The following SPAG17 variants were observed in gnomAD, a reference collection of about 807,000 sequenced individuals.
The protein encoded by SPAG17 is sperm associated antigen 17, also known as sperm-associated antigen 17.
SPAG17 carries 169 observed loss-of-function variants against 273.6 expected under a neutral mutation model. The ratio of observed to expected loss-of-function variants is 0.62; its 90% CI spans 0.55 to 0.70. SPAG17 has a LOEUF of 0.70. SPAG17 is among the 30% of genes least tolerant of loss of function. SPAG17 has a pLI of 0.00. For missense variants in SPAG17, 2,557 were observed against 2,627.8 expected, an observed-to-expected ratio of 0.97 and a Z score of 0.59; for synonymous variants, 825 against 873.2, an observed-to-expected ratio of 0.94 and a Z score of 0.97.
chr1:118,005,270 T>C lies in SPAG17; in HGVS notation c.4776+144A>G, dbSNP rs568704481. The C allele has an allele frequency of 6.7e-6, 4 of 592,764 alleles. No homozygotes were observed. The South Asian group carries it at 1.3e-4, about 20-fold the overall frequency. 36.7% of individuals were successfully genotyped at this position (592,764 alleles called of 1,614,324 possible). A position where few individuals can be genotyped will look rare whatever the true frequency, so the allele number is the denominator to read the frequency against. ...ATCAAAGGAAATGTATTGACATTCA[T>C]TACTGCTTGCCCAAAGTATTGGCAG... On this transcript the variant is annotated intron_variant, in intron 32 of 48. Coordinates refer to ENST00000336338, the MANE Select transcript of SPAG17 (RefSeq NM_206996.4).
In SPAG17 at chr1:118,132,767, A is replaced by ATTTTC. The variant is rs58219610; in HGVS notation, c.316-17331_316-17327dup. 6.4e-3 allele frequency among the ~76,000 whole-genome samples: 967 copies of ATTTTC among 150,276 alleles called. 5 individuals carry two copies. The highest frequency in any genetic ancestry group is 0.015 in the African/African-American group (613 of 40,922). ...GCAGGGGAATAGGCAAAGCGTGAAC[A>ATTTTC]TTTTCTTTTCTTTTCTTTTCTTTTA... On this transcript the variant is annotated intron_variant, in intron 3 of 48. Coordinates refer to ENST00000336338, the MANE Select transcript of SPAG17 (RefSeq NM_206996.4).
chr1:118,110,702 A>T (rs1237403300), intron 4 of SPAG17, among the ~76,000 whole-genome samples: 1 of 152,110 alleles, frequency 6.6e-6, no homozygotes, highest in Admixed American at 6.5e-5. Flanking sequence ...TAACCTGAGG[A>T]TGTTAAATGC....
chr1:118,092,091 A>G (rs1459359295), intron 8 of SPAG17, 89 bp from the exon 9 acceptor site: 1 of 1,064,218 alleles, frequency 9.4e-7, no homozygotes, highest in Non-Finnish European at 1.5e-6. Context: ...ATCCAACAGG[A>G]TACTCAGGTT....
rs564289767 is a variant in SPAG17 at position 118,096,361 on chromosome 1, T to TC, written c.1011+1308_1011+1309insG. On this transcript the variant is annotated intron_variant, in intron 7 of 48. Transcript: ENST00000336338. The stretch of plus-strand genomic sequence containing the variant: ...TTCTTTTAGACAGTCGGCTTTTTTT[T>TC]TTTTCTTGTCAGCTACCCACAGTCA... Among the ~76,000 whole-genome samples the TC allele has an allele frequency of 1.1e-3, 168 of 151,734 alleles. 2 individuals carry two copies. Among genetic ancestry groups the TC allele is most frequent in the East Asian group, 4.5e-3 (23 of 5,130 alleles).
intron 1 of SPAG17, among the ~76,000 whole-genome samples, chr1:118,179,249 G>T (rs1660831458): frequency 6.6e-6 from 1 of 151,980 alleles, no homozygotes; most frequent in South Asian, 2.1e-4. Context: ...TAGACCAATG[G>T]AACAGAATAG....
At chr1:118,164,487 T>TCACATA (rs1660070754) in intron 1 of SPAG17, among the ~76,000 whole-genome samples, 1 of 152,248 alleles carries the variant, frequency 6.6e-6, no homozygotes, top group Non-Finnish European at 1.5e-5. Context: ...AGATATGCAA[T>TCACATA]CACAGTTGCC....
At chr1:118,169,986 T>G (rs1175152980) in intron 1 of SPAG17, among the ~76,000 whole-genome samples, 1 of 152,180 alleles carries the variant, frequency 6.6e-6, no homozygotes, top group African/African-American at 2.4e-5. Context: ...TGCCTTCTGG[T>G]TGGCAGATGA....
At chr1:118,125,247 T>A (rs1041579560) in intron 3 of SPAG17, among the ~76,000 whole-genome samples, 14 of 136,446 alleles carry the variant, frequency 1.0e-4, no homozygotes, top group Admixed American at 4.1e-4. Context: ...ATATATATAT[T>A]TTTGACATAT....
At chr1:117,973,144 G>T (rs1462775512) in intron 44 of SPAG17, among the ~76,000 whole-genome samples, 2 of 152,140 alleles carry the variant, frequency 1.3e-5, no homozygotes, top group Non-Finnish European at 2.9e-5. Flanking sequence ...AGCTATCAGT[G>T]GTTTGATAAC....
chr1:117,995,345 C>T (rs1429603211), intron 34 of SPAG17, among the ~76,000 whole-genome samples: 1 of 152,032 alleles, frequency 6.6e-6, no homozygotes, highest in East Asian at 1.9e-4. Context: ...ATCTATCTCT[C>T]CCAGTAACCT....
At chr1:118,148,345 G>A (rs913250206) in intron 3 of SPAG17, among the ~76,000 whole-genome samples, 1 of 152,128 alleles carries the variant, frequency 6.6e-6, no homozygotes, top group Admixed American at 6.6e-5. Flanking sequence ...AGCAAGAGTT[G>A]TCACAAAGAG....
chr1:118,051,390 G>T (rs776621553), intron 20 of SPAG17, among the ~76,000 whole-genome samples: 3 of 151,976 alleles, frequency 2.0e-5, no homozygotes, highest in Non-Finnish European at 4.4e-5. Context: ...CCACTACTGG[G>T]TATATATCTA....
intron 29 of SPAG17, among the ~76,000 whole-genome samples, 153 bp downstream of exon 29, chr1:118,015,812 A>G (rs1370450896): frequency 6.6e-6 from 1 of 152,202 alleles, no homozygotes; most frequent in Non-Finnish European, 1.5e-5. Flanking sequence ...ATTTTGGAAA[A>G]TGAATCCAAT....
chr1:118,123,075 G>C (rs554646108), intron 3 of SPAG17, among the ~76,000 whole-genome samples: 2 of 152,278 alleles, frequency 1.3e-5, no homozygotes, highest in South Asian at 4.1e-4. Context: ...TGTATAATGG[G>C]GAGGATGTAG....
intron 28 of SPAG17, among the ~76,000 whole-genome samples, chr1:118,017,663 A>C (rs1161437223): frequency 6.6e-6 from 1 of 152,176 alleles, no homozygotes; most frequent in Non-Finnish European, 1.5e-5. Flanking sequence ...GAACAGTTAG[A>C]AGGTTTTAAA....
At chr1:117,984,160 G>C (rs185908146) in intron 41 of SPAG17, among the ~76,000 whole-genome samples, 1 of 152,054 alleles carries the variant, frequency 6.6e-6, no homozygotes, top group South Asian at 2.1e-4. Context: ...GAAAATATTC[G>C]CTTTGCTTCA....
intron 48 of SPAG17, chr1:117,958,972 A>C (rs1652634599): frequency 2.5e-6 from 4 of 1,614,044 alleles, no homozygotes; most frequent in Non-Finnish European, 3.4e-6. Context: ...AAATTAAGGG[A>C]AACAACTATT....
intron 18 of SPAG17, among the ~76,000 whole-genome samples, chr1:118,056,495 T>C (rs1425599800): frequency 1.3e-5 from 2 of 152,226 alleles, no homozygotes; most frequent in Non-Finnish European, 2.9e-5. Flanking sequence ...CCAGCAGTCA[T>C]ATTTGTTCCC....
chr1:118,099,925 C>A, intron 5 of SPAG17, 125 bp from the exon 6 acceptor site: 1 of 759,522 alleles, frequency 1.3e-6, no homozygotes. Flanking sequence ...CAAAAATGAT[C>A]CAGTTGGCTG....
Sources: gnomAD v4.1 joint callset for allele counts (sites outside exome capture counted in the v4.1 genomes callset) on GRCh38, gnomAD v4.1.1 for gene constraint, MANE v1.5 for transcripts, NCBI Gene and HGNC (gene_info 2026-07-23, HGNC 2026-07-21) for gene names.